TENM4: variants seen among roughly 807,000 people sequenced by gnomAD.
The protein encoded by TENM4 is teneurin transmembrane protein 4, also known as teneurin-4.
A neutral mutation model predicts 243.3 loss-of-function variants in TENM4; 82 were observed. The observed-to-expected ratio is 0.34, with a 90% confidence interval of 0.28 to 0.40. TENM4 has a LOEUF of 0.40. Among genes scored for constraint, TENM4 ranks in the 10% least tolerant of loss-of-function variants. The pLI is 1.00. For missense variants in TENM4, 3,138 were observed against 3,673.3 expected (o/e 0.85, Z 3.77); for synonymous variants, 1,412 against 1,456.3 (o/e 0.97, Z 0.69).
intron 1 of TENM4, among the ~76,000 whole-genome samples, chr11:79,329,070 C>A (rs545192265): frequency 9.8e-5 from 15 of 152,340 alleles, no homozygotes; most frequent in Middle Eastern, 3.4e-3. Flanking sequence ...TCTTAGACAC[C>A]ATTCAGAAGC....
chr11:79,333,262 C>CCATT (rs1043082794), intron 1 of TENM4, among the ~76,000 whole-genome samples: 2 of 151,002 alleles, frequency 1.3e-5, no homozygotes, highest in African/African-American at 4.9e-5. Context: ...ATCCATCCAT[C>CCATT]CAACCAACAA....
At chr11:78,912,533 GGC>G (rs1856212476) in intron 6 of TENM4, among the ~76,000 whole-genome samples, 2 of 152,216 alleles carry the variant, frequency 1.3e-5, no homozygotes, top group Non-Finnish European at 2.9e-5. Flanking sequence ...TGGGATTACA[GGC>G]GTGAGCCACC....
At chr11:78,990,182 G>A (rs2136659760) in intron 6 of TENM4, among the ~76,000 whole-genome samples, 1 of 152,212 alleles carries the variant, frequency 6.6e-6, no homozygotes, top group South Asian at 2.1e-4. Context: ...GAGTCACTTT[G>A]TTCTAACCCA....
intron 6 of TENM4, among the ~76,000 whole-genome samples, chr11:78,950,347 G>T (rs952093480): frequency 1.3e-5 from 2 of 152,238 alleles, no homozygotes; most frequent in East Asian, 3.9e-4. Context: ...TGTGCATGCA[G>T]CTTGATCCTC....
intron 1 of TENM4, among the ~76,000 whole-genome samples, chr11:79,385,670 T>C (rs942276028): frequency 2.6e-5 from 4 of 152,206 alleles, no homozygotes; most frequent in African/African-American, 9.6e-5. Flanking sequence ...TTTACAGCTA[T>C]AGAAAATATA....
intron 6 of TENM4, among the ~76,000 whole-genome samples, chr11:78,933,202 G>A (rs901465701): frequency 1.3e-5 from 2 of 152,118 alleles, no homozygotes; most frequent in African/African-American, 4.8e-5. Flanking sequence ...GGACAAGTGA[G>A]AATCGGTTTT....
intron 9 of TENM4, among the ~76,000 whole-genome samples, chr11:78,866,574 C>A (rs934510885): frequency 2.0e-5 from 3 of 148,526 alleles, no homozygotes; most frequent in Non-Finnish European, 4.4e-5. Flanking sequence ...TTAATGAGGG[C>A]AGGACAGTCC....
chr11:79,409,195 T>C (rs1331718882), intron 1 of TENM4, among the ~76,000 whole-genome samples: 1 of 151,026 alleles, frequency 6.6e-6, no homozygotes, highest in African/African-American at 2.4e-5. Flanking sequence ...TGAGCTTCTC[T>C]TCCAGAAAAA....
At chr11:78,701,062 G>C (rs1245630233) in intron 28 of TENM4, among the ~76,000 whole-genome samples, 2 of 152,016 alleles carry the variant, frequency 1.3e-5, no homozygotes, top group African/African-American at 4.8e-5. Flanking sequence ...AAATGAAAAG[G>C]GTTTTTTTTT....
intron 9 of TENM4, among the ~76,000 whole-genome samples, chr11:78,880,879 G>C (rs2136272098): frequency 6.6e-6 from 1 of 152,268 alleles, no homozygotes; most frequent in African/African-American, 2.4e-5. Flanking sequence ...AGAATAGATA[G>C]ATGAGTGATT....
intron 10 of TENM4, among the ~76,000 whole-genome samples, chr11:78,862,686 T>G (rs1015070179): frequency 6.6e-6 from 1 of 152,184 alleles, no homozygotes; most frequent in African/African-American, 2.4e-5. Context: ...CCCAGCAGTG[T>G]GAAGCCCCTA....
At chr11:78,989,041 C>T (rs1456411497) in intron 6 of TENM4, among the ~76,000 whole-genome samples, 1 of 152,198 alleles carries the variant, frequency 6.6e-6, no homozygotes, top group East Asian at 1.9e-4. Flanking sequence ...ACCTCAGCCA[C>T]TGCACACTTT....
At chr11:78,691,438 A>G (rs1402976821) in intron 28 of TENM4, among the ~76,000 whole-genome samples, 1 of 152,228 alleles carries the variant, frequency 6.6e-6, no homozygotes, top group Non-Finnish European at 1.5e-5. Flanking sequence ...TCATTCACAC[A>G]TTCCCTCCTA....
At chr11:79,139,743 A>G (rs867227237) in intron 4 of TENM4, among the ~76,000 whole-genome samples, 1,207 of 25,242 alleles carry the variant, frequency 0.048, 23 homozygotes, top group Non-Finnish European at 0.073. Context: ...ATTTATATAA[A>G]TATATAATAT....
At chr11:78,726,545 A>T (rs1333277605) in intron 22 of TENM4, among the ~76,000 whole-genome samples, 1 of 152,174 alleles carries the variant, frequency 6.6e-6, no homozygotes, top group African/African-American at 2.4e-5. Flanking sequence ...TCCCAACCCA[A>T]ATCTCACGTT....
intron 1 of TENM4, among the ~76,000 whole-genome samples, chr11:79,368,495 G>C (rs1454245390): frequency 6.6e-6 from 1 of 152,184 alleles, no homozygotes; most frequent in Non-Finnish European, 1.5e-5. Context: ...GTATGAGATG[G>C]GACAGCCAGG....
intron 3 of TENM4, among the ~76,000 whole-genome samples, chr11:79,187,031 C>A (rs1367427219): frequency 6.6e-6 from 1 of 152,204 alleles, no homozygotes; most frequent in Non-Finnish European, 1.5e-5. Flanking sequence ...GATATTTGGA[C>A]ATCCTCCTTA....
At chr11:78,933,443 T>C (rs543509048) in intron 6 of TENM4, among the ~76,000 whole-genome samples, 1 of 152,322 alleles carries the variant, frequency 6.6e-6, no homozygotes, top group Admixed American at 6.5e-5. Flanking sequence ...AATTAAGGCA[T>C]AATTAAAGAT....
intron 1 of TENM4, among the ~76,000 whole-genome samples, chr11:79,430,468 C>A (rs1859144423): frequency 6.6e-6 from 1 of 152,204 alleles, no homozygotes; most frequent in African/African-American, 2.4e-5. Context: ...TGAGTAACCA[C>A]CTGATGCCTA....
Sources: gnomAD v4.1 joint callset for allele counts (sites outside exome capture counted in the v4.1 genomes callset) on GRCh38, gnomAD v4.1.1 for gene constraint, MANE v1.5 for transcripts, NCBI Gene and HGNC (gene_info 2026-07-23, HGNC 2026-07-21) for gene names.